Variants in MTMR10 observed in about 807,000 individuals in gnomAD.
MTMR10 encodes the protein myotubularin-related protein 10.
A neutral mutation model predicts 88.1 loss-of-function variants in MTMR10; 56 were observed. The observed-to-expected ratio is 0.64, with a 90% CI of 0.51 to 0.79. The LOEUF (loss-of-function observed/expected upper bound fraction) is 0.79, where lower values mean the gene tolerates loss of function less well. MTMR10 is among the 30% of genes least tolerant of loss of function. MTMR10 has a pLI of 0.00. For synonymous variants in MTMR10, 380 were observed against 340.9 expected, an observed-to-expected ratio of 1.11 and a Z score of -1.26; for missense variants, 883 against 924.7, an observed-to-expected ratio of 0.95 and a Z score of 0.58.
chr15:30,976,915 G>A lies in MTMR10; in HGVS notation c.162C>T (p.Cys54=). The change falls in exon 3 of 16, where the codon TGC becomes TGT. Residue 54 remains cysteine (C), a synonymous_variant. Coordinates refer to ENST00000435680, the MANE Select transcript of MTMR10 (RefSeq NM_017762.3). Reference sequence around the variant, plus strand: ...CGTACTGGCTTGTGTCTGTTGCAATGCATTTTCTCACAAAATTGACTTCAT... The same window carrying A: ...CGTACTGGCTTGTGTCTGTTGCAATACATTTTCTCACAAAATTGACTTCAT... ...VVNEVNFVRK[C]IATDTSQYDL... 4 of 1,613,450 alleles carry A rather than the reference G, an allele frequency of 2.5e-6. No homozygotes were observed. The highest frequency in any genetic ancestry group is 2.5e-6 in the Non-Finnish European group (3 of 1,179,690).
chr15:30,974,206 T>A, intron 5 of MTMR10, 108 bp downstream of exon 5: 1 of 1,058,794 alleles, frequency 9.4e-7, no homozygotes, highest in Admixed American at 4.0e-5. Context: ...GTCTGATAAC[T>A]TCCCCTAAAA....
At chr15:30,977,599 C>T (rs956581689) in intron 2 of MTMR10, among the ~76,000 whole-genome samples, 20 of 151,160 alleles carry the variant, frequency 1.3e-4, no homozygotes, top group African/African-American at 4.9e-4. Context: ...AAAGCTTGGT[C>T]ATCATTAAAC....
At chr15:30,935,239 T>G (rs1258657697), downstream of MTMR10, among the ~76,000 whole-genome samples, 1 of 151,604 alleles carries the variant, frequency 6.6e-6, no homozygotes, top group East Asian at 1.9e-4. Context: ...GGCTGGGAGG[T>G]CAAGGCTGCA....
intron 2 of MTMR10, among the ~76,000 whole-genome samples, chr15:30,982,946 T>C (rs180814714): frequency 2.6e-5 from 4 of 152,282 alleles, no homozygotes; most frequent in Admixed American, 6.5e-5. Context: ...TCTTCCCAGA[T>C]AGGATATATA....
At position 30,941,095 on chromosome 15, in the gene MTMR10, C is replaced by T. The variant is rs950580154; in HGVS notation, c.*375G>A. ...TTTTATCAGATGCTCCTAAAAATGA[C>T]ACGAAACACAAATTTCCTAACTTTC... is the stretch of plus-strand genomic sequence containing the variant. On this transcript the variant is annotated 3_prime_UTR_variant, in exon 16 of 16. Coordinates refer to ENST00000435680, the MANE Select transcript of MTMR10 (RefSeq NM_017762.3). 3 of 1,225,602 alleles carry T rather than the reference C, an allele frequency of 2.4e-6. No homozygotes were observed. The highest frequency in any genetic ancestry group is 6.6e-5 in the Admixed American group (2 of 30,190). 75.9% of individuals were successfully genotyped at this position (1,225,602 alleles called of 1,614,324 possible). A position where few individuals can be genotyped will look rare whatever the true frequency, so the allele number is the denominator to read the frequency against.
At chr15:30,974,564 G>C in intron 4 of MTMR10, 108 bp from the exon 5 acceptor site, 1 of 1,068,400 alleles carries the variant, frequency 9.4e-7, no homozygotes, top group Non-Finnish European at 1.3e-6. Flanking sequence ...CCCAACATTT[G>C]AGCTCTGCTT....
At chr15:30,981,899 G>A (rs140273886) in intron 2 of MTMR10, among the ~76,000 whole-genome samples, 316 of 151,844 alleles carry the variant, frequency 2.1e-3, no homozygotes, top group African/African-American at 6.7e-3. Flanking sequence ...GTAAAACCCC[G>A]TCTCTACTAA....
downstream of MTMR10, among the ~76,000 whole-genome samples, chr15:30,935,429 G>GA (rs1268368585): frequency 6.6e-6 from 1 of 152,124 alleles, no homozygotes; most frequent in African/African-American, 2.4e-5. Flanking sequence ...ACCATGGACT[G>GA]AAAGTATTTG....
At chr15:30,937,353 C>A, downstream of MTMR10, 3 of 1,217,322 alleles carry the variant, frequency 2.5e-6, no homozygotes, top group Non-Finnish European at 3.4e-6. Flanking sequence ...GCATTATAAA[C>A]CTGATAGTTT....
At chr15:30,929,240 C>A in the MTMR10 span, 1 of 1,613,520 alleles carries the variant, frequency 6.2e-7, no homozygotes, top group Non-Finnish European at 8.5e-7. Context: ...AGCTTCTTCA[C>A]AAGCAGACGC....
At chr15:30,923,275 C>T in the MTMR10 span, among the ~76,000 whole-genome samples, 3 of 152,226 alleles carry the variant, frequency 2.0e-5, no homozygotes, top group Admixed American at 6.5e-5. Flanking sequence ...CCTTACCACT[C>T]GGTGTTTACT....
downstream of MTMR10, among the ~76,000 whole-genome samples, chr15:30,934,447 G>C (rs1385705835): frequency 2.0e-5 from 3 of 152,136 alleles, no homozygotes; most frequent in South Asian, 2.1e-4. Context: ...TTTAAATCCT[G>C]ATACTTATTT....
At chr15:30,959,258 T>C in intron 7 of MTMR10, 137 bp from the exon 8 acceptor site, 3 of 733,640 alleles carry the variant, frequency 4.1e-6, no homozygotes, top group Non-Finnish European at 6.6e-6. Flanking sequence ...GTGGGCACCA[T>C]GGGGGGGCAG....
downstream of MTMR10, among the ~76,000 whole-genome samples, chr15:30,935,835 A>ATT (rs2140968392): frequency 6.6e-6 from 1 of 152,316 alleles, no homozygotes; most frequent in East Asian, 1.9e-4. Flanking sequence ...CAATCAGAGA[A>ATT]TCTTTTTTTT....
chr15:30,987,692 ATTTT>A (rs201146149), intron 2 of MTMR10, among the ~76,000 whole-genome samples: 1 of 141,700 alleles, frequency 7.1e-6, no homozygotes, highest in Admixed American at 6.9e-5. Context: ...TTTTTTTTTT[ATTTT>A]TTTTTTTAAG....
At chr15:30,982,534 C>G (rs940222153) in intron 2 of MTMR10, among the ~76,000 whole-genome samples, 4 of 151,928 alleles carry the variant, frequency 2.6e-5, no homozygotes, top group Admixed American at 6.6e-5. Flanking sequence ...ACTCTCTGGG[C>G]CAGGGTCTTT....
At chr15:30,943,264 A>G in intron 14 of MTMR10, 192 bp from the exon 15 acceptor site, 2 of 985,394 alleles carry the variant, frequency 2.0e-6, no homozygotes, top group Non-Finnish European at 2.4e-6. Context: ...CACAGTCCCC[A>G]TGAACAAGGA....
chr15:30,931,202 C>CA, the MTMR10 span, among the ~76,000 whole-genome samples: 1 of 152,158 alleles, frequency 6.6e-6, no homozygotes, highest in East Asian at 1.9e-4. Context: ...TATGTACCCA[C>CA]AAAAAATTTT....
chr15:30,928,599 C>G, the MTMR10 span: 1 of 1,613,120 alleles, frequency 6.2e-7, no homozygotes, highest in Middle Eastern at 1.7e-4. Context: ...ATGGCCTCCT[C>G]CTGTGGGACA....
Sources: gnomAD v4.1 joint callset for allele counts (sites outside exome capture counted in the v4.1 genomes callset) on GRCh38, gnomAD v4.1.1 for gene constraint, MANE v1.5 for transcripts, NCBI Gene and HGNC (gene_info 2026-07-23, HGNC 2026-07-21) for gene names.